P4HA1: variants seen among roughly 807,000 people sequenced by gnomAD.
P4HA1 encodes prolyl 4-hydroxylase subunit alpha-1.
P4HA1 carries 24 observed loss-of-function variants against 72.8 expected under a neutral mutation model. The ratio of observed to expected loss-of-function variants is 0.33; its 90% CI spans 0.24 to 0.46. P4HA1 has a LOEUF of 0.46. Among genes scored for constraint, P4HA1 ranks in the 20% least tolerant of loss-of-function variants. The pLI is 1.00. For synonymous variants in P4HA1, 201 were observed against 218.8 expected (o/e 0.92, Z 0.72); for missense variants, 446 against 640.6 (o/e 0.70, Z 3.28).
chr10:73,071,913 A>C, intron 4 of P4HA1, 116 bp downstream of exon 4: 1 of 679,244 alleles, frequency 1.5e-6, no homozygotes, highest in Non-Finnish European at 2.4e-6. Context: ...ACCCAGGCAT[A>C]ATCCAGTTAC....
chr10:73,068,778 A>T (rs982234571), intron 5 of P4HA1, 68 bp downstream of exon 5: 2 of 1,253,124 alleles, frequency 1.6e-6, no homozygotes, highest in Non-Finnish European at 2.3e-6. Context: ...TTATACTAAC[A>T]TTGTGTTAAT....
chr10:73,063,246 G>C (rs1227987995), intron 5 of P4HA1, among the ~76,000 whole-genome samples: 2 of 152,204 alleles, frequency 1.3e-5, no homozygotes, highest in East Asian at 3.8e-4. Context: ...CAATTGTCTA[G>C]TGAGGGCTGC....
At chr10:73,059,705 T>C (rs1283220959) in intron 5 of P4HA1, among the ~76,000 whole-genome samples, 3 of 150,532 alleles carry the variant, frequency 2.0e-5, no homozygotes, top group African/African-American at 7.3e-5. Flanking sequence ...ATCACGCCAC[T>C]GCACTCCAGC....
At chr10:73,028,013 ATGT>A (rs976146755) in intron 10 of P4HA1, among the ~76,000 whole-genome samples, 6 of 152,112 alleles carry the variant, frequency 3.9e-5, no homozygotes, top group Non-Finnish European at 8.8e-5. Flanking sequence ...TGTATCAAAA[ATGT>A]TGTTGGATGA....
In P4HA1 at chr10:73,045,230, GT is replaced by G. The variant is rs368227568; in HGVS notation, c.1078-180del. On this transcript the variant is annotated intron_variant, in intron 8 of 14. Coordinates refer to ENST00000394890, the MANE Select transcript of P4HA1 (RefSeq NM_001017962.3). Reference sequence around the variant, plus strand: ...CCAGTTAGTTTTTTAGGTTTTTGGGGTTTTTTTTTTTTCTTCAATTTTTTGT... The same window carrying G: ...CCAGTTAGTTTTTTAGGTTTTTGGGGTTTTTTTTTTTCTTCAATTTTTTGT... Among the ~76,000 whole-genome samples, 631 of 145,210 alleles carry G rather than the reference GT, an allele frequency of 4.3e-3. 4 individuals carry two copies. The highest frequency in any genetic ancestry group is 0.013 in the African/African-American group (530 of 39,986).
chr10:73,095,594 T>A (rs1842148017), intron 1 of P4HA1, among the ~76,000 whole-genome samples: 1 of 150,968 alleles, frequency 6.6e-6, no homozygotes, highest in South Asian at 2.1e-4. Flanking sequence ...CCTCCCCCCT[T>A]CACGTAGTGG....
chr10:73,023,046 G>A (rs1840174145), intron 10 of P4HA1, among the ~76,000 whole-genome samples: 1 of 152,188 alleles, frequency 6.6e-6, no homozygotes, highest in Admixed American at 6.5e-5. Context: ...GTGACGGGGA[G>A]AATGGAAACA....
chr10:73,037,550 TATATATATATA>T lies in P4HA1; in HGVS notation c.1149-7191_1149-7181del, dbSNP rs1840613678. ...CTATATATATATATATATATATATA[TATATATATATA>T]TATATATATATTTTTTTTTTTTTTT... On this transcript the variant is annotated intron_variant, in intron 9 of 14. Transcript: ENST00000394890. Among the ~76,000 whole-genome samples, 22 of 30,452 alleles carry T rather than the reference TATATATATATA, an allele frequency of 7.2e-4. 1 individual carries two copies. The highest frequency in any genetic ancestry group is 2.8e-3 in the African/African-American group (22 of 7,746). 20.0% of individuals were successfully genotyped at this position (30,452 alleles called of 152,430 possible).
chr10:73,079,749 A>G (rs901934510), intron 1 of P4HA1, among the ~76,000 whole-genome samples: 4 of 152,290 alleles, frequency 2.6e-5, no homozygotes, highest in African/African-American at 7.2e-5. Flanking sequence ...TCTCAAAATA[A>G]ATAAATAAAT....
chr10:73,045,794 G>C (rs1210670673), intron 8 of P4HA1, among the ~76,000 whole-genome samples: 1 of 148,076 alleles, frequency 6.8e-6, no homozygotes, highest in Non-Finnish European at 1.5e-5. Context: ...AAGTTGAAAT[G>C]AATTAATTAC....
chr10:73,040,255 G>C (rs968688627), intron 9 of P4HA1, among the ~76,000 whole-genome samples: 4 of 151,802 alleles, frequency 2.6e-5, no homozygotes, highest in Non-Finnish European at 5.9e-5. Context: ...CAATAAAACT[G>C]CTTAAGAGCT....
intron 8 of P4HA1, among the ~76,000 whole-genome samples, 191 bp from the exon 9 acceptor site, chr10:73,045,242 T>C (rs576946887): frequency 8.4e-4 from 128 of 151,598 alleles, no homozygotes; most frequent in Non-Finnish European, 1.0e-3. Context: ...TTTTTTTTTT[T>C]CTTCAATTTT....
At chr10:73,032,027 G>A (rs1447330037) in intron 9 of P4HA1, among the ~76,000 whole-genome samples, 1 of 152,048 alleles carries the variant, frequency 6.6e-6, no homozygotes, top group African/African-American at 2.4e-5. Flanking sequence ...AACCCTACTG[G>A]AGAAAGTCAT....
At chr10:73,009,744 A>G in intron 14 of P4HA1, 63 bp downstream of exon 14, 1 of 945,936 alleles carries the variant, frequency 1.1e-6, no homozygotes, top group African/African-American at 1.6e-5. Flanking sequence ...TAAGACACAG[A>G]TAATAGTTCC....
Position 73,051,353 on chromosome 10 carries a change from A to G in P4HA1, c.704-104T>C, listed in dbSNP as rs1301016228. On this transcript the variant is annotated intron_variant, in intron 6 of 14. Coordinates refer to ENST00000394890, the MANE Select transcript of P4HA1 (RefSeq NM_001017962.3). ...GGAGACATTATAATTTATCTTCCAA[A>G]CCAGGTTGCTGTTGTGAGTGAAAGG... 3 of 655,910 alleles carry G rather than the reference A, an allele frequency of 4.6e-6. No individual in the cohort carries two copies. The East Asian group carries it at 8.2e-5, about 18-fold the overall frequency. 40.6% of individuals were successfully genotyped at this position (655,910 alleles called of 1,614,324 possible).
chr10:73,096,058 TA>T (rs771694477), intron 1 of P4HA1, among the ~76,000 whole-genome samples: 3 of 152,152 alleles, frequency 2.0e-5, no homozygotes, highest in African/African-American at 7.2e-5. Context: ...TGTCTCTTTT[TA>T]AAAAAAGTTA....
intron 14 of P4HA1, among the ~76,000 whole-genome samples, chr10:73,009,096 T>C (rs2133024653): frequency 6.6e-6 from 1 of 152,288 alleles, no homozygotes; most frequent in African/African-American, 2.4e-5. Flanking sequence ...TCTAGTCCAG[T>C]GGTTCTTAAA....
At chr10:73,020,543 C>G (rs79401571) in intron 10 of P4HA1, among the ~76,000 whole-genome samples, 7,685 of 152,110 alleles carry the variant, frequency 0.051, 659 homozygotes, top group African/African-American at 0.17. Context: ...AGATTGAGAA[C>G]GAATCTTTCC....
At chr10:73,053,659 G>A (rs1841070478) in intron 5 of P4HA1, 69 bp from the exon 6 acceptor site, 1 of 1,363,884 alleles carries the variant, frequency 7.3e-7, no homozygotes, top group South Asian at 1.3e-5. Context: ...GGACTACACA[G>A]CTTTCAAAAT....
Sources: gnomAD v4.1 joint callset for allele counts (sites outside exome capture counted in the v4.1 genomes callset) on GRCh38, gnomAD v4.1.1 for gene constraint, MANE v1.5 for transcripts, NCBI Gene and HGNC (gene_info 2026-07-23, HGNC 2026-07-21) for gene names.